CSTPP1: variants seen among roughly 807,000 people sequenced by gnomAD.
The protein encoded by CSTPP1 is centriolar satellite-associated tubulin polyglutamylase complex regulator 1.
chr11:46,982,779 T>G, the CSTPP1 span, among the ~76,000 whole-genome samples: 1 of 152,134 alleles, frequency 6.6e-6, no homozygotes, highest in African/African-American at 2.4e-5. Context: ...AACATCTTGG[T>G]TTGATGAGCA....
chr11:47,092,500 C>T, the CSTPP1 span, among the ~76,000 whole-genome samples: 1 of 152,134 alleles, frequency 6.6e-6, no homozygotes, highest in East Asian at 1.9e-4. Context: ...CTGCCCTTCA[C>T]CAAATGCTAA....
chr11:47,076,168 T>C, the CSTPP1 span, among the ~76,000 whole-genome samples: 15 of 152,230 alleles, frequency 9.9e-5, no homozygotes, highest in African/African-American at 3.6e-4. Flanking sequence ...GTAGGTGAGA[T>C]GCCCTAGTGA....
the CSTPP1 span, among the ~76,000 whole-genome samples, chr11:47,002,810 C>T: frequency 6.6e-6 from 1 of 152,280 alleles, no homozygotes; most frequent in African/African-American, 2.4e-5. Context: ...TGATTTTTTA[C>T]ATTAAAATAT....
the CSTPP1 span, among the ~76,000 whole-genome samples, chr11:46,986,928 A>AC: frequency 2.0e-5 from 3 of 152,158 alleles, no homozygotes; most frequent in Non-Finnish European, 4.4e-5. Context: ...TCTTCAACCC[A>AC]CCCTTGTGAT....
the CSTPP1 span, among the ~76,000 whole-genome samples, chr11:46,980,909 AT>A: frequency 2.6e-5 from 4 of 152,180 alleles, no homozygotes; most frequent in African/African-American, 7.2e-5. Context: ...AATCGGCAAA[AT>A]TAAAAAGCAT....
At chr11:47,000,070 A>G in the CSTPP1 span, among the ~76,000 whole-genome samples, 1 of 152,192 alleles carries the variant, frequency 6.6e-6, no homozygotes, top group Non-Finnish European at 1.5e-5. Flanking sequence ...TTTATGTTGT[A>G]TGTAACCTCT....
chr11:47,051,420 C>G, the CSTPP1 span, among the ~76,000 whole-genome samples: 1 of 152,128 alleles, frequency 6.6e-6, no homozygotes, highest in Admixed American at 6.5e-5. Context: ...TTCCCTGGCC[C>G]AGCTTAAACA....
the CSTPP1 span, among the ~76,000 whole-genome samples, chr11:47,018,379 C>T: frequency 2.1e-5 from 3 of 145,422 alleles, no homozygotes; most frequent in Non-Finnish European, 3.0e-5. Context: ...ACTGCAACCT[C>T]TGCTGCCTGG....
chr11:46,943,399 A>C, the CSTPP1 span, among the ~76,000 whole-genome samples: 1 of 152,216 alleles, frequency 6.6e-6, no homozygotes, highest in Non-Finnish European at 1.5e-5. Context: ...ACTCTATGCT[A>C]TAAATACTTT....
chr11:47,037,927 C>G, the CSTPP1 span, among the ~76,000 whole-genome samples: 4 of 127,568 alleles, frequency 3.1e-5, 2 homozygotes, highest in Non-Finnish European at 7.5e-5. Flanking sequence ...GGGTGGTGGC[C>G]GGGCAGAGGG....
the CSTPP1 span, among the ~76,000 whole-genome samples, chr11:47,039,702 G>A: frequency 2.3e-4 from 30 of 128,008 alleles, 4 homozygotes; most frequent in African/African-American, 7.1e-4. Context: ...AGCTGGGCGC[G>A]GTGGCGGGCG....
chr11:47,048,104 A>G, the CSTPP1 span, among the ~76,000 whole-genome samples: 10 of 152,346 alleles, frequency 6.6e-5, no homozygotes, highest in East Asian at 1.5e-3. Context: ...GTTGTTTCTC[A>G]AAAGGTTAAA....
At chr11:47,149,069 G>C in the CSTPP1 span, among the ~76,000 whole-genome samples, 9 of 152,194 alleles carry the variant, frequency 5.9e-5, no homozygotes, top group Admixed American at 5.9e-4. Flanking sequence ...CAGCAGGGGA[G>C]GGAGAAAGTG....
At chr11:47,085,502 G>A in the CSTPP1 span, among the ~76,000 whole-genome samples, 1 of 152,134 alleles carries the variant, frequency 6.6e-6, no homozygotes, top group Non-Finnish European at 1.5e-5. Context: ...AATAAACACT[G>A]GTTCCAGGGA....
the CSTPP1 span, among the ~76,000 whole-genome samples, chr11:47,036,057 T>A: frequency 7.6e-3 from 61 of 7,974 alleles, 17 homozygotes; most frequent in African/African-American, 0.014. Flanking sequence ...ATATATATAT[T>A]ATATATATAT....
the CSTPP1 span, among the ~76,000 whole-genome samples, chr11:47,113,442 T>C: frequency 6.6e-6 from 1 of 152,192 alleles, no homozygotes; most frequent in Non-Finnish European, 1.5e-5. Flanking sequence ...TCCACAATGG[T>C]TGAATTAGTT....
At chr11:47,109,725 T>C in the CSTPP1 span, among the ~76,000 whole-genome samples, 2 of 152,350 alleles carry the variant, frequency 1.3e-5, no homozygotes, top group Non-Finnish European at 2.9e-5. Flanking sequence ...CCTTGCCTTA[T>C]CTTTCCTCAG....
At chr11:47,116,872 G>A in the CSTPP1 span, among the ~76,000 whole-genome samples, 66 of 151,916 alleles carry the variant, frequency 4.3e-4, no homozygotes, top group Middle Eastern at 3.4e-3. Context: ...TAGTAGAGAC[G>A]GGGTTTCACC....
the CSTPP1 span, among the ~76,000 whole-genome samples, chr11:47,153,392 T>C: frequency 1.3e-5 from 2 of 152,220 alleles, no homozygotes; most frequent in East Asian, 3.8e-4. Context: ...CCCCAGGAGA[T>C]GCCTAACATA....
Sources: allele counts gnomAD v4.1 joint callset (sites outside exome capture counted in the v4.1 genomes callset), GRCh38; gene constraint gnomAD v4.1.1; transcripts MANE v1.5; gene names NCBI Gene and HGNC (gene_info 2026-07-23, HGNC 2026-07-21).